The following SDCCAG8 variants were observed in gnomAD, a reference collection of about 807,000 sequenced individuals.
SDCCAG8 encodes SHH signaling and ciliogenesis regulator SDCCAG8.
A neutral mutation model predicts 101.8 loss-of-function variants in SDCCAG8; 74 were observed. The observed-to-expected ratio is 0.73, with a 90% CI of 0.60 to 0.88. The LOEUF (loss-of-function observed/expected upper bound fraction) is 0.88, where lower values mean the gene tolerates loss of function less well. Ranked by LOEUF, SDCCAG8 falls within the 40% of genes least tolerant of loss-of-function variation. The pLI, the probability that SDCCAG8 is intolerant of heterozygous loss-of-function variation, is 0.00. For missense variants in SDCCAG8, 787 were observed against 822.6 expected (o/e 0.96, Z 0.53); for synonymous variants, 281 against 292.9 (o/e 0.96, Z 0.41).
intron 12 of SDCCAG8, among the ~76,000 whole-genome samples, chr1:243,354,994 A>C (rs1209612313): frequency 3.9e-5 from 6 of 152,214 alleles, no homozygotes; most frequent in African/African-American, 1.4e-4. Flanking sequence ...TTAGACACAC[A>C]GTGTGAGACA....
Position 243,416,113 on chromosome 1 carries a change from C to T in SDCCAG8, c.1744+284C>T, listed in dbSNP as rs886104210. On this transcript the variant is annotated intron_variant, in intron 14 of 17. Coordinates refer to ENST00000366541, the MANE Select transcript of SDCCAG8 (RefSeq NM_006642.5). The surrounding 1 kb of genome is among the most constrained non-coding windows in gnomAD (Gnocchi z 4.3). The stretch of plus-strand genomic sequence containing the variant: ...TCAAGAAACGTAAAGCTGAGAGAGA[C>T]CACAACAAAGTAGAAAAACAAAGGG... Among the ~76,000 whole-genome samples the T allele has an allele frequency of 1.3e-5, 2 of 152,068 alleles. No homozygotes were observed. Among genetic ancestry groups the T allele is most frequent in the Non-Finnish European group, 2.9e-5 (2 of 67,996 alleles).
At chr1:243,308,225 C>A in intron 8 of SDCCAG8, 48 bp downstream of exon 8, 2 of 1,597,314 alleles carry the variant, frequency 1.3e-6, no homozygotes, top group African/African-American at 2.7e-5. Flanking sequence ...ATGGAAAATT[C>A]TGCCTTTAAA....
At chr1:243,398,459 T>C (rs1486887366) in intron 13 of SDCCAG8, among the ~76,000 whole-genome samples, 1 of 152,204 alleles carries the variant, frequency 6.6e-6, no homozygotes, top group African/African-American at 2.4e-5. Flanking sequence ...GTTGATGACC[T>C]GTATTTTAAA....
chr1:243,491,843 C>T (rs1024320624), intron 17 of SDCCAG8, among the ~76,000 whole-genome samples: 4 of 152,218 alleles, frequency 2.6e-5, no homozygotes, highest in Admixed American at 2.0e-4. Context: ...TCCTCATGTC[C>T]GGGTTAGAGA....
At chr1:243,465,047 A>G (rs1350597119) in intron 16 of SDCCAG8, among the ~76,000 whole-genome samples, 2 of 152,244 alleles carry the variant, frequency 1.3e-5, no homozygotes, top group African/African-American at 4.8e-5. Context: ...CCCTAGGGCC[A>G]ACTAAATACA....
chr1:243,463,546 C>G (rs990329616), intron 16 of SDCCAG8, among the ~76,000 whole-genome samples: 1 of 152,160 alleles, frequency 6.6e-6, no homozygotes, highest in Non-Finnish European at 1.5e-5. Flanking sequence ...AGCCCCAAGA[C>G]CAGCCTGATG....
At chr1:243,316,529 C>A (rs564342156) in intron 8 of SDCCAG8, among the ~76,000 whole-genome samples, 1 of 152,308 alleles carries the variant, frequency 6.6e-6, no homozygotes, top group South Asian at 2.1e-4. Flanking sequence ...GATTGTCCCG[C>A]ACAGATGCCG....
At chr1:243,300,940 G>T (rs1264367835) in intron 6 of SDCCAG8, among the ~76,000 whole-genome samples, 1 of 151,988 alleles carries the variant, frequency 6.6e-6, no homozygotes, top group Non-Finnish European at 1.5e-5. Context: ...ACTTGCAGAT[G>T]AACCATGTAG....
chr1:243,298,635 A>G (rs535893408), intron 6 of SDCCAG8, among the ~76,000 whole-genome samples: 1 of 152,122 alleles, frequency 6.6e-6, no homozygotes, highest in Non-Finnish European at 1.5e-5. Flanking sequence ...TACTTTTTGC[A>G]TTTAGATCTA....
At chr1:243,313,413 C>A (rs1347403411) in intron 8 of SDCCAG8, among the ~76,000 whole-genome samples, 4 of 152,182 alleles carry the variant, frequency 2.6e-5, no homozygotes, top group Non-Finnish European at 4.4e-5. Context: ...TGTTAAGGGA[C>A]TTTCTCAGTC....
intron 9 of SDCCAG8, among the ~76,000 whole-genome samples, chr1:243,317,567 C>T (rs555484883): frequency 1.3e-5 from 2 of 152,258 alleles, no homozygotes; most frequent in African/African-American, 4.8e-5. Flanking sequence ...GTGATCTGCC[C>T]ATCTCGTCCT....
At chr1:243,275,098 TTGAA>T (rs2068427073) in intron 4 of SDCCAG8, among the ~76,000 whole-genome samples, 1 of 152,192 alleles carries the variant, frequency 6.6e-6, no homozygotes. Context: ...TACTTTGACT[TTGAA>T]TGAGAATGGT....
chr1:243,476,461 C>A (rs761821942), intron 16 of SDCCAG8: 27 of 691,564 alleles, frequency 3.9e-5, no homozygotes, highest in Non-Finnish European at 4.5e-5. Flanking sequence ...CAAGAATGGT[C>A]AAATATGAAG....
At chr1:243,266,478 T>C (rs2149256920) in intron 1 of SDCCAG8, among the ~76,000 whole-genome samples, 1 of 151,982 alleles carries the variant, frequency 6.6e-6, no homozygotes, top group South Asian at 2.1e-4. Context: ...CACCACAACC[T>C]GCCAACCTTT....
At chr1:243,350,794 T>A (rs1442892141) in intron 12 of SDCCAG8, among the ~76,000 whole-genome samples, 1 of 152,176 alleles carries the variant, frequency 6.6e-6, no homozygotes, top group Non-Finnish European at 1.5e-5. Context: ...CCATGGAACC[T>A]TTTCCCTGGA....
At position 243,474,330 on chromosome 1, in the gene SDCCAG8, A is replaced by T. The variant is rs1232284638; in HGVS notation, c.1986-14684A>T. ...ATCCTCTCCTTCTGCCAAAGTCCAG[A>T]GGCCCTGCGAGCCCCCGTGGAGTCG... On this transcript the variant is annotated intron_variant, in intron 16 of 17. Coordinates refer to ENST00000366541, the MANE Select transcript of SDCCAG8 (RefSeq NM_006642.5). This position sits in a 1 kb window ranked among gnomAD's most constrained non-coding sequence, Gnocchi z 4.7. Among the ~76,000 whole-genome samples, 3 of 152,156 alleles carry T rather than the reference A, an allele frequency of 2.0e-5. No individual in the cohort carries two copies. The highest frequency in any genetic ancestry group is 2.9e-5 in the Non-Finnish European group (2 of 68,026).
At position 243,499,937 on chromosome 1, in the gene SDCCAG8, C is replaced by T. The variant is rs544501776; in HGVS notation, c.*152C>T. On this transcript the variant is annotated 3_prime_UTR_variant, in exon 18 of 18. Transcript: ENST00000366541. ...TGGTCCTCATCAACGCGGGCGCTGTCCCCGCACGCAGTCGGGCTGGAGCTG... is the reference window on the plus strand; with the variant it reads ...TGGTCCTCATCAACGCGGGCGCTGTTCCCGCACGCAGTCGGGCTGGAGCTG... The T allele has an allele frequency of 5.6e-6, 4 of 718,562 alleles. No individual in the cohort carries two copies. Among genetic ancestry groups the T allele is most frequent in the East Asian group, 2.7e-5 (1 of 37,096 alleles). 44.5% of individuals were successfully genotyped at this position (718,562 alleles called of 1,614,324 possible). A position where few individuals can be genotyped will look rare whatever the true frequency, so the allele number is the denominator to read the frequency against.
At chr1:243,427,930 C>A (rs2081451513) in intron 16 of SDCCAG8, among the ~76,000 whole-genome samples, 1 of 152,186 alleles carries the variant, frequency 6.6e-6, no homozygotes, top group African/African-American at 2.4e-5. Context: ...CACACGTGGT[C>A]TCCGTGGCAT....
At chr1:243,395,857 A>G (rs2079001689) in intron 13 of SDCCAG8, among the ~76,000 whole-genome samples, 1 of 152,068 alleles carries the variant, frequency 6.6e-6, no homozygotes, top group Non-Finnish European at 1.5e-5. Flanking sequence ...TTTTATATCA[A>G]TAAGAAATAT....
Sources: gnomAD v4.1 joint callset for allele counts (sites outside exome capture counted in the v4.1 genomes callset) on GRCh38, gnomAD v4.1.1 for gene constraint, Gnocchi (gnomAD v3.1) non-coding constraint, MANE v1.5 for transcripts, NCBI Gene and HGNC (gene_info 2026-07-23, HGNC 2026-07-21) for gene names.